Variants in AIF1L observed in about 807,000 individuals in gnomAD.
AIF1L encodes the protein allograft inflammatory factor 1 like, also known as allograft inflammatory factor 1-like.
Under a neutral mutation model 20.7 loss-of-function variants are expected in AIF1L, and 12 were observed. The ratio of observed to expected loss-of-function variants is 0.58; its 90% confidence interval spans 0.37 to 0.94. AIF1L has a LOEUF of 0.94. Ranked by LOEUF, AIF1L falls within the 40% of genes least tolerant of loss-of-function variation. The pLI, the probability that AIF1L is intolerant of heterozygous loss-of-function variation, is 0.01. For missense variants in AIF1L, 173 were observed against 185.3 expected (o/e 0.93, Z 0.39); for synonymous variants, 76 against 65.1 (o/e 1.17, Z -0.81).
intron 5 of AIF1L, among the ~76,000 whole-genome samples, chr9:131,118,385 A>C (rs1024412324): frequency 6.6e-6 from 1 of 151,412 alleles, no homozygotes; most frequent in Admixed American, 6.6e-5. Flanking sequence ...GAGCCACCAC[A>C]CCCGGCCCAA....
At chr9:131,107,171 G>A (rs961401751) in intron 2 of AIF1L, among the ~76,000 whole-genome samples, 3 of 152,216 alleles carry the variant, frequency 2.0e-5, no homozygotes, top group African/African-American at 4.8e-5. Flanking sequence ...AGAGAACCAC[G>A]CAGATCTGTG....
At chr9:131,100,731 A>C (rs1019377059) in intron 2 of AIF1L, among the ~76,000 whole-genome samples, 1 of 152,166 alleles carries the variant, frequency 6.6e-6, no homozygotes, top group Non-Finnish European at 1.5e-5. Flanking sequence ...GCATGGCCTT[A>C]TATGGCAATG....
rs866334515 is a variant in AIF1L at position 131,122,711 on chromosome 9, C to A, written c.*2389C>A. The A allele has an allele frequency of 6.6e-6, 1 of 152,334 alleles. No individual in the cohort carries two copies. Among genetic ancestry groups the A allele is most frequent in the Non-Finnish European group, 1.5e-5 (1 of 68,100 alleles). The allele number at this position is 152,334 out of a possible 1,614,324, so 9.4% of individuals were successfully genotyped here. A position where few individuals can be genotyped will look rare whatever the true frequency, so the allele number is the denominator to read the frequency against. The stretch of plus-strand genomic sequence containing the variant: ...AGGGAGGAGAGCAAGCAGGTGTGGC[C>A]CCAGCTTCTGGAAATGGCAGAAGAG... On this transcript the variant is annotated 3_prime_UTR_variant, in exon 6 of 6. Transcript: ENST00000247291.
intron 5 of AIF1L, among the ~76,000 whole-genome samples, chr9:131,119,455 C>T (rs183536796): frequency 5.4e-5 from 8 of 148,526 alleles, no homozygotes; most frequent in Non-Finnish European, 8.9e-5. Context: ...GAGCAGAGAT[C>T]GTGACATTGC....
chr9:131,096,648 A>G lies in AIF1L; in HGVS notation c.19A>G (p.Asn7Asp), dbSNP rs1388327695. The G allele has an allele frequency of 2.0e-6, 3 of 1,485,760 alleles. No individual in the cohort carries two copies. Among genetic ancestry groups the G allele is most frequent in the Admixed American group, 2.3e-5 (1 of 42,682 alleles). 92.0% of individuals were successfully genotyped at this position (1,485,760 alleles called of 1,614,324 possible). ...GCTCGCCATGTCGGGCGAGCTCAGC[A>G]ACAGGTTCCAAGGTAGGCGCCGCCG... MSGELS[N>D]RFQGGKAFGL... Residue 7 changes from asparagine to aspartate, a missense_variant, in exon 1 of 6, where the codon AAC becomes GAC. Physicochemically the swap from Asn to Asp is conservative, Grantham distance 23. Transcript: ENST00000247291.
intron 3 of AIF1L, 47 bp from the exon 4 acceptor site, chr9:131,114,530 A>G: frequency 7.5e-6 from 12 of 1,608,784 alleles, no homozygotes; most frequent in Non-Finnish European, 9.4e-6. Flanking sequence ...CCCCACAGGG[A>G]GACGCTGCTT....
chr9:131,117,518 G>A (rs1831041328), intron 4 of AIF1L, among the ~76,000 whole-genome samples: 1 of 152,210 alleles, frequency 6.6e-6, no homozygotes. Context: ...CCAGAGCCAG[G>A]AATAGCAGAG....
At position 131,121,167 on chromosome 9, in the gene AIF1L, G is replaced by A; in HGVS notation, c.*845G>A. The A allele has an allele frequency of 1.4e-6, 1 of 709,650 alleles. No individual in the cohort carries two copies. Among genetic ancestry groups the A allele is most frequent in the Non-Finnish European group, 2.6e-6 (1 of 381,152 alleles). The allele number at this position is 709,650 out of a possible 1,614,324, so 44.0% of individuals were successfully genotyped here. A position where few individuals can be genotyped will look rare whatever the true frequency, so the allele number is the denominator to read the frequency against. ...TGAGGAGTAAAATGCTCACGGCAAA[G>A]TCAGCAGCACTGGTAAGCCAAGACT... On this transcript the variant is annotated 3_prime_UTR_variant, in exon 6 of 6. Transcript: ENST00000247291.
chr9:131,111,519 GC>G (rs1213016729), intron 2 of AIF1L, 77 bp from the exon 3 acceptor site: 1 of 1,339,172 alleles, frequency 7.5e-7, no homozygotes. Flanking sequence ...AGGAGGGAAG[GC>G]CCCCGGACAG....
intron 5 of AIF1L, among the ~76,000 whole-genome samples, chr9:131,119,726 A>T (rs551506320): frequency 4.6e-5 from 7 of 152,262 alleles, no homozygotes; most frequent in Admixed American, 3.9e-4. Context: ...AGGATCAGAG[A>T]GGTCAAGTGT....
At position 131,120,391 on chromosome 9, in the gene AIF1L, A is replaced by C; in HGVS notation, c.*69A>C. 8.0e-7 allele frequency: 1 copy of C among 1,254,546 alleles called. No individual in the cohort carries two copies. Among genetic ancestry groups the C allele is most frequent in the Admixed American group, 2.3e-5 (1 of 43,644 alleles). 77.7% of individuals were successfully genotyped at this position (1,254,546 alleles called of 1,614,324 possible). On this transcript the variant is annotated 3_prime_UTR_variant, in exon 6 of 6. Transcript: ENST00000247291. ...TCCCGATCTTGCTGCCCTTCTTGAC[A>C]CACTGTGATCTCTCTCTCTCTCATT... is the stretch of plus-strand genomic sequence containing the variant.
At chr9:131,120,174 T>C (rs1480190744) in intron 5 of AIF1L, 61 bp from the exon 6 acceptor site, 1 of 1,485,640 alleles carries the variant, frequency 6.7e-7, no homozygotes, top group Non-Finnish European at 9.3e-7. Flanking sequence ...TTTCCCTGGA[T>C]GAGGGAAGGA....
intron 2 of AIF1L, among the ~76,000 whole-genome samples, chr9:131,101,116 T>G (rs1388739718): frequency 6.6e-6 from 1 of 151,908 alleles, no homozygotes; most frequent in Non-Finnish European, 1.5e-5. Context: ...CAGGCTGGTC[T>G]CAAACCCCTG....
At chr9:131,105,063 G>T (rs942344827) in intron 2 of AIF1L, among the ~76,000 whole-genome samples, 1 of 152,266 alleles carries the variant, frequency 6.6e-6, no homozygotes, top group Non-Finnish European at 1.5e-5. Context: ...GCAGCCAGGG[G>T]TCCTGGAAAG....
chr9:131,102,963 C>T, intron 2 of AIF1L: 1 of 456,356 alleles, frequency 2.2e-6, no homozygotes, highest in South Asian at 1.5e-5. Context: ...GGGCCAGGAG[C>T]AAGGGTTCGC....
intron 4 of AIF1L, among the ~76,000 whole-genome samples, chr9:131,116,452 C>T (rs186817718): frequency 9.9e-5 from 15 of 152,172 alleles, no homozygotes; most frequent in African/African-American, 3.4e-4. Flanking sequence ...TTAGTAGAGA[C>T]GAGGTTTCAC....
At chr9:131,117,236 G>A (rs960637642) in intron 4 of AIF1L, among the ~76,000 whole-genome samples, 21 of 152,192 alleles carry the variant, frequency 1.4e-4, no homozygotes, top group Non-Finnish European at 2.4e-4. Context: ...GTGGCACGTG[G>A]GGAGAAGCCA....
chr9:131,100,921 G>A (rs932752068), intron 2 of AIF1L, among the ~76,000 whole-genome samples: 21 of 152,092 alleles, frequency 1.4e-4, no homozygotes, highest in South Asian at 8.3e-4. Flanking sequence ...TTTTTGAGAC[G>A]GCGTCTCGCT....
chr9:131,098,764 G>A (rs1830578740), intron 2 of AIF1L, among the ~76,000 whole-genome samples: 1 of 152,188 alleles, frequency 6.6e-6, no homozygotes, highest in African/African-American at 2.4e-5. Flanking sequence ...AAGGAGCTGT[G>A]GTCTAACCAC....
Sources: allele counts gnomAD v4.1 joint callset (sites outside exome capture counted in the v4.1 genomes callset), GRCh38; gene constraint gnomAD v4.1.1; transcripts MANE v1.5; gene names NCBI Gene and HGNC (gene_info 2026-07-23, HGNC 2026-07-21).